BRD4: variants seen among roughly 807,000 people sequenced by gnomAD.
BRD4 encodes the protein bromodomain containing 4, also known as bromodomain-containing protein 4.
BRD4 carries 16 observed loss-of-function variants against 142.1 expected under a neutral mutation model. The observed-to-expected ratio is 0.11, with a 90% CI of 0.08 to 0.17. BRD4 has a LOEUF of 0.17. Among genes scored for constraint, BRD4 ranks in the 10% least tolerant of loss-of-function variants. The pLI, the probability that BRD4 is intolerant of heterozygous loss-of-function variation, is 1.00. For synonymous variants in BRD4, 833 were observed against 707.5 expected (o/e 1.18, Z -2.82); for missense variants, 1,424 against 1,810.9 (o/e 0.79, Z 3.88).
intron 1 of BRD4, among the ~76,000 whole-genome samples, chr19:15,277,546 C>T (rs1476068995): frequency 1.3e-5 from 2 of 151,176 alleles, no homozygotes; most frequent in East Asian, 1.9e-4. Flanking sequence ...CTTTGGGAGG[C>T]CATGGCAGGT....
At chr19:15,284,149 GA>G (rs993088928) in intron 1 of BRD4, among the ~76,000 whole-genome samples, 3 of 152,022 alleles carry the variant, frequency 2.0e-5, no homozygotes, top group Non-Finnish European at 2.9e-5. Flanking sequence ...GAAAGATCTG[GA>G]AAAAACGTTA....
rs1354591431 is a variant in BRD4 at position 15,328,975 on chromosome 19, G to C, written c.-35+3315C>G. ...TTTAATAGAGACGTGGTTTCTCCAT[G>C]TTTGTCAGGCTGGTGTCGAACTTTT... On this transcript the variant is annotated intron_variant, in intron 1 of 19. Coordinates refer to ENST00000679869, the MANE Select transcript of BRD4 (RefSeq NM_001379291.1). Among the ~76,000 whole-genome samples the C allele has an allele frequency of 7.9e-5, 12 of 152,116 alleles. No homozygotes were observed. In the East Asian group the frequency reaches 2.1e-3, roughly 27 times the overall value.
chr19:15,261,481 C>CA (rs1022955991), intron 7 of BRD4, among the ~76,000 whole-genome samples: 126 of 141,832 alleles, frequency 8.9e-4, no homozygotes, highest in African/African-American at 2.5e-3. Flanking sequence ...GACTCCATCT[C>CA]AAAAAAAAAA....
intron 1 of BRD4, among the ~76,000 whole-genome samples, chr19:15,318,930 C>T (rs930054543): frequency 6.6e-6 from 1 of 152,228 alleles, no homozygotes; most frequent in Non-Finnish European, 1.5e-5. Flanking sequence ...TGACACGTTA[C>T]CTGACAACTC....
At chr19:15,299,570 G>A (rs764853624) in intron 1 of BRD4, among the ~76,000 whole-genome samples, 3 of 152,164 alleles carry the variant, frequency 2.0e-5, no homozygotes, top group Admixed American at 1.3e-4. Flanking sequence ...CACAATTTTC[G>A]ATTTTGTGAT....
chr19:15,322,090 CT>C (rs1256288308), intron 1 of BRD4, among the ~76,000 whole-genome samples: 1 of 152,158 alleles, frequency 6.6e-6, no homozygotes, highest in Non-Finnish European at 1.5e-5. Context: ...TGTAATTCAA[CT>C]CCTCTGACAT....
intron 1 of BRD4, among the ~76,000 whole-genome samples, chr19:15,299,663 C>T (rs188906488): frequency 5.3e-5 from 8 of 152,336 alleles, no homozygotes; most frequent in Non-Finnish European, 1.2e-4. Flanking sequence ...GACATGTTTC[C>T]ATGGTTCCTT....
rs11878706 is a variant in BRD4, at chr19:15,244,184, G to A, written c.2581+47C>T. The A allele has an allele frequency of 1.4e-4, 221 of 1,536,904 alleles. No individual in the cohort carries two copies. In the African/African-American group the frequency reaches 2.4e-3, roughly 17 times the overall value. On this transcript the variant is annotated intron_variant, in intron 13 of 19. Coordinates refer to ENST00000679869, the MANE Select transcript of BRD4 (RefSeq NM_001379291.1). ...TGCTCGGACACCACATGGGTAAACC[G>A]AGGCAGGAAGGGGTCTCAACCCACA...
chr19:15,288,933 C>A lies in BRD4; in HGVS notation c.-34-15800G>T, dbSNP rs548087019. On this transcript the variant is annotated intron_variant, in intron 1 of 19. Coordinates refer to ENST00000679869, the MANE Select transcript of BRD4 (RefSeq NM_001379291.1). ...CCACCAGGTCCCCACTGTGTCAAGGCGGCTGTTAATACTCAAGTCCCCTCC... is the reference window on the plus strand; with the variant it reads ...CCACCAGGTCCCCACTGTGTCAAGGAGGCTGTTAATACTCAAGTCCCCTCC... Among the ~76,000 whole-genome samples the A allele has an allele frequency of 2.0e-5, 3 of 152,304 alleles. No individual in the cohort carries two copies. The South Asian group carries it at 6.2e-4, about 32-fold the overall frequency.
chr19:15,318,424 C>CCTGAAAGGAAT lies in BRD4; in HGVS notation c.-35+13865_-35+13866insATTCCTTTCAG, dbSNP rs1366388136. Among the ~76,000 whole-genome samples, 104 of 152,266 alleles carry CCTGAAAGGAAT rather than the reference C, an allele frequency of 6.8e-4. No homozygotes were observed. The East Asian group carries it at 0.017, about 25-fold the overall frequency. On this transcript the variant is annotated intron_variant, in intron 1 of 19. Coordinates refer to ENST00000679869, the MANE Select transcript of BRD4 (RefSeq NM_001379291.1). ...AGTTTATGGTATTATATTTCCTATTCCTTCCACCAGACAAGGATGTGAGGA... is the reference window on the plus strand; with the variant it reads ...AGTTTATGGTATTATATTTCCTATTCCTGAAAGGAATCTTCCACCAGACAAGGATGTGAGGA...
At chr19:15,320,702 G>C (rs1211860940) in intron 1 of BRD4, among the ~76,000 whole-genome samples, 1 of 152,168 alleles carries the variant, frequency 6.6e-6, no homozygotes, top group African/African-American at 2.4e-5. Context: ...GACTTGGCTT[G>C]ACTTCTCCCA....
intron 1 of BRD4, chr19:15,331,799 G>C (rs1222332814): frequency 6.7e-6 from 1 of 149,948 alleles, no homozygotes; most frequent in African/African-American, 2.4e-5. Flanking sequence ...GACCGGGACA[G>C]CTGCGCTCGC....
At chr19:15,317,602 G>C (rs933760735) in intron 1 of BRD4, among the ~76,000 whole-genome samples, 1 of 152,116 alleles carries the variant, frequency 6.6e-6, no homozygotes, top group Non-Finnish European at 1.5e-5. Context: ...CAATGGGAGT[G>C]GGGGGTGGTG....
intron 1 of BRD4, 40 bp from the exon 2 acceptor site, chr19:15,273,173 G>A (rs755509273): frequency 2.7e-6 from 4 of 1,505,314 alleles, no homozygotes; most frequent in Non-Finnish European, 3.6e-6. Flanking sequence ...ATATCAGTCA[G>A]CAGATGGGCA....
intron 6 of BRD4, 136 bp downstream of exon 6, chr19:15,264,268 C>T (rs1456515118): frequency 5.6e-6 from 7 of 1,255,552 alleles, no homozygotes; most frequent in East Asian, 2.4e-5. Context: ...TGAGTTTCTT[C>T]GAGTTGGCGG....
rs1181591135 is a variant in BRD4, at chr19:15,319,771, CAA to C, written c.-35+12517_-35+12518del. Among the ~76,000 whole-genome samples, 3 of 151,956 alleles carry C rather than the reference CAA, an allele frequency of 2.0e-5. No individual in the cohort carries two copies. The East Asian group carries it at 5.8e-4, about 30-fold the overall frequency. On this transcript the variant is annotated intron_variant, in intron 1 of 19. Transcript: ENST00000679869. ...GCAACATGGTGAAACCCCGTCTCTA[CAA>C]AAAAATACCAAAATTAGATGAGTGT... is the stretch of plus-strand genomic sequence containing the variant.
At chr19:15,263,371 G>C (rs202192879) in intron 7 of BRD4, 49 bp downstream of exon 7, 2 of 1,584,832 alleles carry the variant, frequency 1.3e-6, no homozygotes, top group Non-Finnish European at 1.7e-6. Flanking sequence ...GCTCCCACGA[G>C]GACCTCAGCC....
intron 1 of BRD4, among the ~76,000 whole-genome samples, chr19:15,311,577 G>C (rs2047971025): frequency 6.6e-6 from 1 of 151,912 alleles, no homozygotes; most frequent in African/African-American, 2.4e-5. Flanking sequence ...GATCACCTGA[G>C]ATCAGGAGTT....
At chr19:15,288,467 A>G (rs2047756869) in intron 1 of BRD4, among the ~76,000 whole-genome samples, 1 of 152,252 alleles carries the variant, frequency 6.6e-6, no homozygotes, top group South Asian at 2.1e-4. Flanking sequence ...AAACTTGGAC[A>G]ATCACCCATC....
Sources: allele counts gnomAD v4.1 joint callset (sites outside exome capture counted in the v4.1 genomes callset), GRCh38; gene constraint gnomAD v4.1.1; transcripts MANE v1.5; gene names NCBI Gene and HGNC (gene_info 2026-07-23, HGNC 2026-07-21).